Variants in PLEKHH2 observed in about 807,000 individuals in gnomAD.
PLEKHH2 encodes pleckstrin homology, MyTH4 and FERM domain containing H2, also known as pleckstrin homology domain-containing family H member 2.
Under a neutral mutation model 187.9 loss-of-function variants are expected in PLEKHH2, and 129 were observed. The observed-to-expected ratio is 0.69, with a 90% CI of 0.59 to 0.79. The LOEUF (loss-of-function observed/expected upper bound fraction) is 0.79, where lower values mean the gene tolerates loss of function less well. Among genes scored for constraint, PLEKHH2 ranks in the 30% least tolerant of loss-of-function variants. The pLI is 0.00. For missense variants in PLEKHH2, 2,076 were observed against 1,751.2 expected (o/e 1.19, Z -3.31); for synonymous variants, 686 against 605.6 (o/e 1.13, Z -1.95).
At position 43,726,356 on chromosome 2, in the gene PLEKHH2, A is replaced by T. The variant is rs142034436; in HGVS notation, c.2626A>T (p.Ser876Cys). 24 of 1,610,364 alleles carry T rather than the reference A, an allele frequency of 1.5e-5. No individual in the cohort carries two copies. The African/African-American group carries it at 2.9e-4, about 20-fold the overall frequency. The change falls in exon 17 of 30, where the codon AGT becomes TGT. Residue 876 changes from serine to cysteine, a missense_variant. Transcript: ENST00000282406. The part of the protein sequence containing the change: ...SCDSDEDYEA[S>C]GRSLLSTHYT... ...TGATTCAGATGAAGATTATGAAGCC[A>T]GTGGACGAAGTCTGTTATCCACACA...
At chr2:43,752,887 T>C (rs1672061728) in intron 24 of PLEKHH2, among the ~76,000 whole-genome samples, 2 of 152,220 alleles carry the variant, frequency 1.3e-5, no homozygotes, top group South Asian at 2.1e-4. Flanking sequence ...ATGTAAACTA[T>C]TTTTGAGCCC....
At chr2:43,764,437 A>T in intron 29 of PLEKHH2, 72 bp downstream of exon 29, 2 of 1,459,732 alleles carry the variant, frequency 1.4e-6, no homozygotes, top group East Asian at 4.7e-5. Flanking sequence ...AAGGCCAAAA[A>T]GCAATGCTAA....
At chr2:43,738,167 C>G (rs983068009) in intron 19 of PLEKHH2, among the ~76,000 whole-genome samples, 174 bp from the exon 20 acceptor site, 2 of 152,124 alleles carry the variant, frequency 1.3e-5, no homozygotes, top group Non-Finnish European at 2.9e-5. Context: ...CTGAAATCTG[C>G]TTTGTCTGCT....
rs751569479 is a variant in PLEKHH2 at position 43,764,342 on chromosome 2, C to G, written c.4273C>G (p.Leu1425Val). The G allele has an allele frequency of 5.3e-5, 85 of 1,612,542 alleles. No individual in the cohort carries two copies. The highest frequency in any genetic ancestry group is 7.1e-5 in the Non-Finnish European group (84 of 1,179,390). Reference sequence around the variant, plus strand: ...AAAGGACAAACCAACAGAGAAATTACTTTTTGCCATGGCAAAACCCAAGGT... The same window carrying G: ...AAAGGACAAACCAACAGAGAAATTAGTTTTTGCCATGGCAAAACCCAAGGT... Reference protein sequence around the residue: ...HSKDKPTEKLLFAMAKPKILE... With the variant: ...HSKDKPTEKLVFAMAKPKILE... The change falls in exon 29 of 30, where the codon CTT (leucine) becomes GTT (valine). Residue 1425 changes from leucine (L) to valine (V), a missense_variant. Coordinates refer to ENST00000282406, the MANE Select transcript of PLEKHH2 (RefSeq NM_172069.4).
At chr2:43,648,464 G>A (rs1666292365) in intron 2 of PLEKHH2, among the ~76,000 whole-genome samples, 1 of 151,978 alleles carries the variant, frequency 6.6e-6, no homozygotes, top group African/African-American at 2.4e-5. Flanking sequence ...TGGGATTACA[G>A]GCGTGAGCTG....
intron 9 of PLEKHH2, among the ~76,000 whole-genome samples, chr2:43,705,586 C>T (rs935361812): frequency 3.3e-5 from 5 of 152,098 alleles, no homozygotes; most frequent in Non-Finnish European, 5.9e-5. Context: ...ATTTCAACAT[C>T]AGATTTACCT....
intron 2 of PLEKHH2, among the ~76,000 whole-genome samples, chr2:43,660,710 A>G (rs1667029689): frequency 8.0e-6 from 1 of 124,838 alleles, no homozygotes; most frequent in African/African-American, 3.2e-5. Flanking sequence ...ATGAGTGAGA[A>G]TATGCAGTGT....
In PLEKHH2 at chr2:43,678,857, C is replaced by G; in HGVS notation, c.124-6C>G. ...TTTTGTATTTATATTTTCCCTCACTCTACAGATGCAACAGCTTGAGAGACA... is the reference window on the plus strand; with the variant it reads ...TTTTGTATTTATATTTTCCCTCACTGTACAGATGCAACAGCTTGAGAGACA... On this transcript the variant is annotated splice_region_variant and splice_polypyrimidine_tract_variant and intron_variant, in intron 2 of 29. Transcript: ENST00000282406. 4 of 1,595,532 alleles carry G rather than the reference C, an allele frequency of 2.5e-6. No individual in the cohort carries two copies. Among genetic ancestry groups the G allele is most frequent in the Non-Finnish European group, 3.4e-6 (4 of 1,167,150 alleles).
intron 2 of PLEKHH2, among the ~76,000 whole-genome samples, chr2:43,651,872 A>T (rs1007627462): frequency 6.6e-6 from 1 of 152,128 alleles, no homozygotes; most frequent in Non-Finnish European, 1.5e-5. Context: ...TGTTCCCTGA[A>T]TTATCTTTCT....
chr2:43,724,833 G>T (rs140762065), intron 16 of PLEKHH2, among the ~76,000 whole-genome samples: 4 of 152,278 alleles, frequency 2.6e-5, no homozygotes, highest in African/African-American at 9.6e-5. Context: ...GACTGTTTTG[G>T]TGAATTATGA....
intron 19 of PLEKHH2, among the ~76,000 whole-genome samples, chr2:43,732,802 C>T (rs1039121879): frequency 1.3e-5 from 2 of 152,160 alleles, no homozygotes; most frequent in Non-Finnish European, 1.5e-5. Context: ...TCCATGTACT[C>T]TTCAGCCAGA....
At chr2:43,738,128 C>G (rs1671383018) in intron 19 of PLEKHH2, among the ~76,000 whole-genome samples, 1 of 152,032 alleles carries the variant, frequency 6.6e-6, no homozygotes, top group South Asian at 2.1e-4. Context: ...ATAAAATGAC[C>G]CTCTTTATCT....
At chr2:43,654,317 C>T (rs1666633806) in intron 2 of PLEKHH2, among the ~76,000 whole-genome samples, 1 of 152,058 alleles carries the variant, frequency 6.6e-6, no homozygotes, top group Admixed American at 6.5e-5. Flanking sequence ...GCCTCAGCCT[C>T]CTGAGTAGCT....
intron 1 of PLEKHH2, among the ~76,000 whole-genome samples, chr2:43,642,635 C>G (rs1329414360): frequency 6.6e-6 from 1 of 152,028 alleles, no homozygotes; most frequent in Non-Finnish European, 1.5e-5. Context: ...AAGTTCCTGT[C>G]TATTTGTAGT....
At chr2:43,695,303 T>G (rs1669032867) in intron 6 of PLEKHH2, 79 bp downstream of exon 6, 1 of 685,294 alleles carries the variant, frequency 1.5e-6, no homozygotes, top group Non-Finnish European at 2.2e-6. Context: ...GTTTTAAAGA[T>G]GCGATTATGG....
chr2:43,729,514 A>T, intron 17 of PLEKHH2, 123 bp from the exon 18 acceptor site: 1 of 557,394 alleles, frequency 1.8e-6, no homozygotes, highest in Non-Finnish European at 2.9e-6. Flanking sequence ...TTTCATTATT[A>T]TTTAAAAATT....
intron 15 of PLEKHH2, among the ~76,000 whole-genome samples, chr2:43,712,818 T>C (rs781644565): frequency 3.3e-5 from 5 of 152,154 alleles, no homozygotes; most frequent in Non-Finnish European, 7.4e-5. Flanking sequence ...TCAATAAGCA[T>C]ATGGAAAAAC....
chr2:43,744,884 A>AAAAAAG (rs1558608494), intron 23 of PLEKHH2, among the ~76,000 whole-genome samples: 1 of 149,378 alleles, frequency 6.7e-6, no homozygotes, highest in African/African-American at 2.5e-5. Context: ...AAAAAAAAAA[A>AAAAAAG]AAAGAAAAAG....
At chr2:43,727,959 T>C (rs1670846142) in intron 17 of PLEKHH2, among the ~76,000 whole-genome samples, 1 of 152,226 alleles carries the variant, frequency 6.6e-6, no homozygotes, top group Non-Finnish European at 1.5e-5. Flanking sequence ...TAATCAAAGA[T>C]GCGCACATTT....
Sources: allele counts gnomAD v4.1 joint callset (sites outside exome capture counted in the v4.1 genomes callset), GRCh38; gene constraint gnomAD v4.1.1; transcripts MANE v1.5; gene names NCBI Gene and HGNC (gene_info 2026-07-23, HGNC 2026-07-21).